The following RBKS variants were observed in gnomAD, a reference collection of about 807,000 sequenced individuals.
RBKS encodes ribokinase.
In RBKS, 33 loss-of-function variants were observed where a neutral mutation model predicts 33.9. That is an observed-to-expected ratio of 0.97 (90% confidence interval 0.74 to 1.30). The LOEUF (loss-of-function observed/expected upper bound fraction) is 1.30, where lower values mean the gene tolerates loss of function less well. Among genes scored for constraint, RBKS ranks in the 50% most tolerant of loss-of-function variants. RBKS has a pLI of 0.00. For synonymous variants in RBKS, 125 were observed against 143.0 expected (o/e 0.87, Z 0.90); for missense variants, 361 against 392.6 (o/e 0.92, Z 0.68).
At chr2:27,802,792 C>T (rs559167895) in intron 7 of RBKS, among the ~76,000 whole-genome samples, 4 of 152,256 alleles carry the variant, frequency 2.6e-5, no homozygotes, top group African/African-American at 7.2e-5. Context: ...GACACTCAAC[C>T]CCTGGAGTGA....
chr2:27,838,690 G>T (rs1185618498), intron 5 of RBKS, among the ~76,000 whole-genome samples: 5 of 152,218 alleles, frequency 3.3e-5, no homozygotes, highest in Non-Finnish European at 7.3e-5. Context: ...AATCAAAGAA[G>T]AATGCAAATC....
At position 27,795,585 on chromosome 2, in the gene RBKS, G is replaced by A. The variant is rs1278306877; in HGVS notation, c.796-13797C>T. 1.3e-5 allele frequency among the ~76,000 whole-genome samples: 2 copies of A among 151,942 alleles called. No individual in the cohort carries two copies. The highest frequency in any genetic ancestry group is 2.1e-4 in the South Asian group (1 of 4,816). On this transcript the variant is annotated intron_variant, in intron 7 of 7. Transcript: ENST00000302188. This position sits in a 1 kb window ranked among gnomAD's most constrained non-coding sequence, Gnocchi z 4.1. ...CTCATTTCATCTTCACACTGACCCT[G>A]CACTCCCCCGCCACTGAAACTTGAG... is the stretch of plus-strand genomic sequence containing the variant.
At position 27,801,992 on chromosome 2, in the gene RBKS, A is replaced by ATAT. The variant is rs1558536561; in HGVS notation, c.796-20205_796-20204insATA. On this transcript the variant is annotated intron_variant, in intron 7 of 7. Transcript: ENST00000302188. ...TATATATATATATATATATATATAT[A>ATAT]TTTTTTTTTTTTTTTTTTTTTTTTT... 1.8e-3 allele frequency among the ~76,000 whole-genome samples: 76 copies of ATAT among 42,688 alleles called. 3 individuals carry two copies. The highest frequency in any genetic ancestry group is 2.2e-3 in the Non-Finnish European group (60 of 27,394). 28.0% of individuals were successfully genotyped at this position (42,688 alleles called of 152,430 possible). A position where few individuals can be genotyped will look rare whatever the true frequency, so the allele number is the denominator to read the frequency against.
In RBKS at chr2:27,890,177, C is replaced by T; in HGVS notation, c.89+80G>A. Reference sequence around the variant, plus strand: ...CTGTCTATCCCTGGAGACCCAGCGCCCAAAAGCTCCACTGGGCGCATAGCG... The same window carrying T: ...CTGTCTATCCCTGGAGACCCAGCGCTCAAAAGCTCCACTGGGCGCATAGCG... On this transcript the variant is annotated intron_variant, in intron 1 of 7. Transcript: ENST00000302188. The surrounding 1 kb of genome is among the most constrained non-coding windows in gnomAD (Gnocchi z 4.8). 7.2e-7 allele frequency: 1 copy of T among 1,394,746 alleles called. No homozygotes were observed. The highest frequency in any genetic ancestry group is 1.8e-5 in the Admixed American group (1 of 56,346). The allele number at this position is 1,394,746 out of a possible 1,614,324, so 86.4% of individuals were successfully genotyped here.
intron 2 of RBKS, among the ~76,000 whole-genome samples, chr2:27,849,764 T>G (rs1425030974): frequency 6.6e-6 from 1 of 151,990 alleles, no homozygotes; most frequent in Non-Finnish European, 1.5e-5. Flanking sequence ...TCAGCATGAG[T>G]GTGTATCCTA....
chr2:27,822,551 C>T (rs1403922138), intron 7 of RBKS, among the ~76,000 whole-genome samples: 3 of 152,184 alleles, frequency 2.0e-5, no homozygotes, highest in African/African-American at 7.2e-5. Context: ...CCTGCCAGCC[C>T]CAGCAATCAC....
intron 7 of RBKS, among the ~76,000 whole-genome samples, chr2:27,818,546 T>C (rs1277694016): frequency 6.6e-6 from 1 of 152,216 alleles, no homozygotes; most frequent in East Asian, 1.9e-4. Context: ...TTACCAGCTG[T>C]AGGCCCCTGG....
intron 7 of RBKS, among the ~76,000 whole-genome samples, chr2:27,804,020 C>T (rs887759512): frequency 1.6e-4 from 25 of 152,038 alleles, no homozygotes; most frequent in East Asian, 9.7e-4. Context: ...TCAGCCTGGG[C>T]GACAGAGCAA....
chr2:27,863,752 TA>T (rs1189542164), intron 1 of RBKS, among the ~76,000 whole-genome samples: 3 of 152,354 alleles, frequency 2.0e-5, no homozygotes, highest in Non-Finnish European at 2.9e-5. Flanking sequence ...ATTACCCAAT[TA>T]AAATTCATTA....
Position 27,795,726 on chromosome 2 carries a change from C to G in RBKS, c.796-13938G>C, listed in dbSNP as rs1677654542. On this transcript the variant is annotated intron_variant, in intron 7 of 7. Transcript: ENST00000302188. This position sits in a 1 kb window ranked among gnomAD's most constrained non-coding sequence, Gnocchi z 4.1. ...TCCGCTCCCATCCTGTTTCACCACC[C>G]AGTGAAGGTTTGGGGCAAGCAGGCA... Among the ~76,000 whole-genome samples, 5 of 152,270 alleles carry G rather than the reference C, an allele frequency of 3.3e-5. No homozygotes were observed. The South Asian group carries it at 1.0e-3, about 32-fold the overall frequency.
At position 27,874,130 on chromosome 2, in the gene RBKS, G is replaced by A. The variant is rs539558747; in HGVS notation, c.90-15559C>T. The stretch of plus-strand genomic sequence containing the variant: ...TACAATTCAAAGAAAACTTGTCCTT[G>A]AAGATCATATGACAAAAAAGTTGTT... On this transcript the variant is annotated intron_variant, in intron 1 of 7. Transcript: ENST00000302188. Among the ~76,000 whole-genome samples the A allele has an allele frequency of 2.0e-5, 3 of 152,248 alleles. No individual in the cohort carries two copies. The East Asian group carries it at 5.8e-4, about 29-fold the overall frequency.
intron 5 of RBKS, among the ~76,000 whole-genome samples, chr2:27,833,076 A>G (rs766805387): frequency 6.6e-6 from 1 of 152,226 alleles, no homozygotes; most frequent in Non-Finnish European, 1.5e-5. Context: ...GGAACATTAG[A>G]GAAAAGTAAA....
At chr2:27,791,185 T>C (rs906550094) in intron 7 of RBKS, among the ~76,000 whole-genome samples, 6 of 152,278 alleles carry the variant, frequency 3.9e-5, no homozygotes, top group Admixed American at 6.5e-5. Flanking sequence ...ACATATCATA[T>C]TGTATGAGTT....
intron 1 of RBKS, among the ~76,000 whole-genome samples, chr2:27,872,061 T>C (rs948465069): frequency 1.3e-5 from 2 of 152,182 alleles, no homozygotes; most frequent in African/African-American, 2.4e-5. Context: ...TAGGAGGTAA[T>C]GTGAGCAATG....
At chr2:27,836,901 T>C (rs1351516086) in intron 5 of RBKS, among the ~76,000 whole-genome samples, 1 of 152,144 alleles carries the variant, frequency 6.6e-6, no homozygotes, top group Non-Finnish European at 1.5e-5. Context: ...AAACTACTCA[T>C]CGTTTCACTC....
chr2:27,798,021 G>A (rs1677694312), intron 7 of RBKS, among the ~76,000 whole-genome samples: 2 of 152,078 alleles, frequency 1.3e-5, no homozygotes, highest in South Asian at 4.1e-4. Flanking sequence ...GTGGAGTGGA[G>A]GTGAAGAGTC....
Position 27,827,756 on chromosome 2 carries a change from C to T in RBKS, c.607-1G>A. 1.9e-6 allele frequency: 3 copies of T among 1,581,092 alleles called. No individual in the cohort carries two copies. The highest frequency in any genetic ancestry group is 2.6e-6 in the Non-Finnish European group (3 of 1,166,556). ...CCGTGAGGCCAGTTAAAATCTCAGC[C>T]TAGAATACACAAAAGTCAACAGAAA... On this transcript the variant is annotated splice_acceptor_variant, in intron 6 of 7. Transcript: ENST00000302188. LOFTEE classifies it high-confidence loss of function.
chr2:27,831,735 C>T lies in RBKS; in HGVS notation c.606+951G>A, dbSNP rs1159520994. On this transcript the variant is annotated intron_variant, in intron 6 of 7. Transcript: ENST00000302188. ...TTTAGCCCAGGAGTTCGAGATTAGC[C>T]TAGGCAACATGGCGAAATCCCGTCT... Among the ~76,000 whole-genome samples, 75 of 151,788 alleles carry T rather than the reference C, an allele frequency of 4.9e-4. 2 individuals carry two copies. Among genetic ancestry groups the T allele is most frequent in the Non-Finnish European group, 1.5e-5 (1 of 67,958 alleles).
intron 7 of RBKS, among the ~76,000 whole-genome samples, chr2:27,814,970 TTAAC>T (rs1234369225): frequency 6.6e-6 from 1 of 152,226 alleles, no homozygotes; most frequent in Non-Finnish European, 1.5e-5. Flanking sequence ...ATTCATGCAA[TTAAC>T]TGTTTATTCA....
Sources: gnomAD v4.1 joint callset for allele counts (sites outside exome capture counted in the v4.1 genomes callset) on GRCh38, gnomAD v4.1.1 for gene constraint, Gnocchi (gnomAD v3.1) non-coding constraint, MANE v1.5 for transcripts, NCBI Gene and HGNC (gene_info 2026-07-23, HGNC 2026-07-21) for gene names.